MGA: variants seen among roughly 807,000 people sequenced by gnomAD.
The protein encoded by MGA is MAX dimerization protein MGA.
Under a neutral mutation model 261.1 loss-of-function variants are expected in MGA, and 40 were observed. The ratio of observed to expected loss-of-function variants is 0.15; its 90% CI spans 0.12 to 0.20. The LOEUF (loss-of-function observed/expected upper bound fraction) is 0.20. Among genes scored for constraint, MGA ranks in the 10% least tolerant of loss-of-function variants. MGA has a pLI of 1.00. For missense variants in MGA, 3,397 were observed against 3,630.5 expected (o/e 0.94, Z 1.65); for synonymous variants, 1,302 against 1,290.6 (o/e 1.01, Z -0.19).
chr15:41,688,927 A>G (rs1399887702), intron 2 of MGA, among the ~76,000 whole-genome samples: 2 of 152,076 alleles, frequency 1.3e-5, no homozygotes, highest in Non-Finnish European at 2.9e-5. Flanking sequence ...TATTATGTCC[A>G]CACATGGGGG....
chr15:41,730,907 G>T (rs369296398), intron 11 of MGA, among the ~76,000 whole-genome samples: 1 of 152,142 alleles, frequency 6.6e-6, no homozygotes, highest in East Asian at 1.9e-4. Flanking sequence ...GCAAGTAAAC[G>T]CTGAGGCTGT....
At chr15:41,765,549 A>C (rs917961974) in intron 23 of MGA, among the ~76,000 whole-genome samples, 11 of 152,184 alleles carry the variant, frequency 7.2e-5, no homozygotes, top group African/African-American at 2.7e-4. Flanking sequence ...CTTTAGTAAT[A>C]TTAGGATCCT....
intron 1 of MGA, among the ~76,000 whole-genome samples, chr15:41,642,343 C>G (rs2056838659): frequency 6.9e-6 from 1 of 145,276 alleles, no homozygotes; most frequent in African/African-American, 2.6e-5. Context: ...AAGTTTCGCT[C>G]TTGTTGCCCA....
At chr15:41,693,977 AATCTAAGAAAATATTTCT>A (rs1175597409) in intron 2 of MGA, among the ~76,000 whole-genome samples, 1 of 152,156 alleles carries the variant, frequency 6.6e-6, no homozygotes, top group African/African-American at 2.4e-5. Context: ...TTCTGCAAGA[AATCTAAGAAAATATTTCT>A]TAGATTTTAA....
At chr15:41,622,963 C>G (rs1388872135) in intron 1 of MGA, among the ~76,000 whole-genome samples, 1 of 152,206 alleles carries the variant, frequency 6.6e-6, no homozygotes, top group African/African-American at 2.4e-5. Context: ...ATCATAATAG[C>G]TGTCACTTTT....
At chr15:41,633,114 G>T (rs2056626032) in intron 1 of MGA, among the ~76,000 whole-genome samples, 1 of 151,738 alleles carries the variant, frequency 6.6e-6, no homozygotes, top group African/African-American at 2.4e-5. Flanking sequence ...ACCACGCCTG[G>T]CTAATTTTGT....
Position 41,760,369 on chromosome 15 carries a change from A to G in MGA, c.7238A>G (p.Lys2413Arg), listed in dbSNP as rs201069144. 398 of 1,614,012 alleles carry G rather than the reference A, an allele frequency of 2.5e-4. 2 individuals carry two copies. Among genetic ancestry groups the G allele is most frequent in the Non-Finnish European group, 1.8e-5 (21 of 1,179,902 alleles). The change falls in exon 20 of 24, where the codon AAA (lysine) becomes AGA (arginine). Residue 2413 changes from lysine to arginine, a missense_variant. Lys to Arg is a conservative substitution (Grantham distance 26). Coordinates refer to ENST00000219905, the MANE Select transcript of MGA (RefSeq NM_001164273.2). Reference sequence around the variant, plus strand: ...CTGAAGCCTGATTACTGGAGTGACAAACTACAGAAAGAAGCAGAAGCGTTT... The same window carrying G: ...CTGAAGCCTGATTACTGGAGTGACAGACTACAGAAAGAAGCAGAAGCGTTT...
intron 1 of MGA, among the ~76,000 whole-genome samples, chr15:41,633,687 T>A (rs553828130): frequency 5.9e-5 from 9 of 152,302 alleles, no homozygotes; most frequent in Admixed American, 2.0e-4. Context: ...CTTCCCAAAG[T>A]GCTGGGATTA....
At chr15:41,698,841 T>A in intron 3 of MGA, 22 bp from the exon 4 acceptor site, 1 of 1,281,960 alleles carries the variant, frequency 7.8e-7, no homozygotes, top group Non-Finnish European at 1.0e-6. Context: ...AACTACTATT[T>A]TTTTTTTTTT....
intron 11 of MGA, among the ~76,000 whole-genome samples, chr15:41,731,246 A>G (rs2061493712): frequency 6.6e-6 from 1 of 152,136 alleles, no homozygotes; most frequent in African/African-American, 2.4e-5. Flanking sequence ...TATAAGTTGT[A>G]ATTTCAGATC....
chr15:41,766,977 C>G lies in MGA; in HGVS notation c.8895C>G (p.Pro2965=), dbSNP rs376729410. ...AGCCCGAAAGTGTGTCCTCACCCCC[C>G]ACCCTACACATGAAGACTGGCTTGG... Residue 2965 remains proline, a synonymous_variant, in exon 24 of 24, where the codon CCC becomes CCG. Transcript: ENST00000219905. 26 of 1,613,998 alleles carry G rather than the reference C, an allele frequency of 1.6e-5. No homozygotes were observed. The highest frequency in any genetic ancestry group is 1.6e-4 in the Middle Eastern group (1 of 6,062).
At chr15:41,691,853 CT>C (rs1324754389) in intron 2 of MGA, among the ~76,000 whole-genome samples, 1 of 151,654 alleles carries the variant, frequency 6.6e-6, no homozygotes, top group East Asian at 1.9e-4. Context: ...GTATTTTTCT[CT>C]TCATCTTTCA....
At chr15:41,727,503 T>C in intron 10 of MGA, 97 bp downstream of exon 10, 1 of 1,186,340 alleles carries the variant, frequency 8.4e-7, no homozygotes, top group Non-Finnish European at 1.2e-6. Flanking sequence ...TTGTGAATCA[T>C]TTTGCTTTCA....
intron 1 of MGA, among the ~76,000 whole-genome samples, chr15:41,644,515 G>A (rs1213838845): frequency 2.0e-5 from 3 of 151,888 alleles, no homozygotes; most frequent in Admixed American, 2.0e-4. Flanking sequence ...AAATTAGCCA[G>A]GCATGGTGAT....
Position 41,760,668 on chromosome 15 carries a change from T to A in MGA, c.7398+139T>A. ...TAACAGATGAATATGGACTAGTGAA[T>A]GCCCAGTAAATCCCTTAGGGGGAAA... On this transcript the variant is annotated intron_variant, in intron 20 of 23. Coordinates refer to ENST00000219905, the MANE Select transcript of MGA (RefSeq NM_001164273.2). 9 of 769,288 alleles carry A rather than the reference T, an allele frequency of 1.2e-5. No individual in the cohort carries two copies. The East Asian group carries it at 2.4e-4, about 21-fold the overall frequency. 47.7% of individuals were successfully genotyped at this position (769,288 alleles called of 1,614,324 possible).
chr15:41,699,402 A>G (rs955932575), intron 5 of MGA, among the ~76,000 whole-genome samples: 2 of 152,286 alleles, frequency 1.3e-5, no homozygotes, highest in Middle Eastern at 3.4e-3. Flanking sequence ...AAAATGTATC[A>G]TGGTAAAGCA....
intron 9 of MGA, among the ~76,000 whole-genome samples, chr15:41,719,285 C>T (rs1318057702): frequency 6.6e-6 from 1 of 152,014 alleles, no homozygotes; most frequent in Non-Finnish European, 1.5e-5. Context: ...TTTCATTTAT[C>T]AGAAGACACT....
chr15:41,736,389 G>A lies in MGA; in HGVS notation c.4125G>A (p.Glu1375=). 6.2e-7 allele frequency: 1 copy of A among 1,613,996 alleles called. No homozygotes were observed. Among genetic ancestry groups the A allele is most frequent in the Non-Finnish European group, 8.5e-7 (1 of 1,179,886 alleles). ...TTAAGGTGGGCAGCTTCATCATTGA[G>A]TTGGCTTCTCAGCGAAAGAGCCGGG... is the stretch of plus-strand genomic sequence containing the variant. Residue 1375 remains glutamate, a synonymous_variant, in exon 13 of 24, where the codon GAG becomes GAA. Transcript: ENST00000219905.
intron 1 of MGA, among the ~76,000 whole-genome samples, chr15:41,664,259 A>G (rs1595609828): frequency 6.6e-6 from 1 of 152,204 alleles, no homozygotes; most frequent in South Asian, 2.1e-4. Flanking sequence ...TCTCTGCACT[A>G]ATATTTTGCT....
Sources: allele counts gnomAD v4.1 joint callset (sites outside exome capture counted in the v4.1 genomes callset), GRCh38; gene constraint gnomAD v4.1.1; transcripts MANE v1.5; gene names NCBI Gene and HGNC (gene_info 2026-07-23, HGNC 2026-07-21).